POMGNT2: variants seen among roughly 807,000 people sequenced by gnomAD.
The protein encoded by POMGNT2 is protein O-linked-mannose beta-1,4-N-acetylglucosaminyltransferase 2.
Under a neutral mutation model 37.8 loss-of-function variants are expected in POMGNT2, and 32 were observed. The observed-to-expected ratio is 0.85, with a 90% CI of 0.64 to 1.14. The LOEUF is 1.14. POMGNT2 is among the 50% of genes most tolerant of loss of function. The pLI is 0.00. For synonymous variants in POMGNT2, 340 were observed against 336.8 expected (o/e 1.01, Z -0.10); for missense variants, 705 against 780.6 (o/e 0.90, Z 1.15).
At position 43,086,922 on chromosome 3, in the gene POMGNT2, T is replaced by C. The variant is rs577748226; in HGVS notation, c.-105-5386A>G. 1.3e-4 allele frequency among the ~76,000 whole-genome samples: 20 copies of C among 152,264 alleles called. No individual in the cohort carries two copies. In the South Asian group the frequency reaches 3.5e-3, roughly 27 times the overall value. On this transcript the variant is annotated intron_variant, in intron 1 of 1. Transcript: ENST00000344697. Reference sequence around the variant, plus strand: ...AAGGCTCTTTGCACAGACAATTAGATAAGAATCTTGAAATGAGATCATACT... The same window carrying C: ...AAGGCTCTTTGCACAGACAATTAGACAAGAATCTTGAAATGAGATCATACT...
At chr3:43,101,965 G>A (rs1015678589) in intron 1 of POMGNT2, among the ~76,000 whole-genome samples, 1 of 152,106 alleles carries the variant, frequency 6.6e-6, no homozygotes, top group African/African-American at 2.4e-5. Context: ...AATGGACTAA[G>A]GATGGAGTCT....
chr3:43,101,836 G>A (rs1033265259), intron 1 of POMGNT2, among the ~76,000 whole-genome samples: 25 of 152,078 alleles, frequency 1.6e-4, no homozygotes, highest in African/African-American at 5.6e-4. Context: ...TGAGAAGTCC[G>A]CCAGACTCTA....
chr3:43,081,596 G>C, intron 1 of POMGNT2, 60 bp from the exon 2 acceptor site: 1 of 656,756 alleles, frequency 1.5e-6, no homozygotes, highest in Non-Finnish European at 2.5e-6. Context: ...ATCATTACAA[G>C]CTCCTGCTAT....
intron 1 of POMGNT2, among the ~76,000 whole-genome samples, chr3:43,105,249 TTCC>T (rs2090049254): frequency 6.6e-6 from 1 of 152,026 alleles, no homozygotes; most frequent in African/African-American, 2.4e-5. Context: ...GTTCACTGGG[TTCC>T]TTCTTCAGAG....
chr3:43,098,054 C>T lies in POMGNT2; in HGVS notation c.-106+7782G>A, dbSNP rs1396154885. ...ACAGCCAGCACCTGCCAGACCCAGG[C>T]TGCAGAAGATCAGGCAGGGCCCAGG... is the stretch of plus-strand genomic sequence containing the variant. On this transcript the variant is annotated intron_variant, in intron 1 of 1. Transcript: ENST00000344697. The surrounding 1 kb of genome is among the most constrained non-coding windows in gnomAD (Gnocchi z 4.3). 6.6e-6 allele frequency among the ~76,000 whole-genome samples: 1 copy of T among 152,232 alleles called. No homozygotes were observed. Among genetic ancestry groups the T allele is most frequent in the African/African-American group, 2.4e-5 (1 of 41,458 alleles).
intron 1 of POMGNT2, among the ~76,000 whole-genome samples, chr3:43,083,190 C>CT (rs960729799): frequency 1.3e-4 from 19 of 151,694 alleles, no homozygotes; most frequent in African/African-American, 2.7e-4. Flanking sequence ...TACATTCTAG[C>CT]TTTTTTTTTC....
At chr3:43,093,464 C>T (rs555249702) in intron 1 of POMGNT2, among the ~76,000 whole-genome samples, 10 of 152,340 alleles carry the variant, frequency 6.6e-5, no homozygotes, top group Non-Finnish European at 1.5e-4. Flanking sequence ...CCTGCATGGA[C>T]CTGCACTGGG....
chr3:43,103,687 C>A (rs1339782391), intron 1 of POMGNT2, among the ~76,000 whole-genome samples: 1 of 152,168 alleles, frequency 6.6e-6, no homozygotes, highest in Non-Finnish European at 1.5e-5. Flanking sequence ...CAGGTCATAA[C>A]TGGGCTTCAA....
In POMGNT2 at chr3:43,080,109, C is replaced by T; in HGVS notation, c.1323G>A (p.Glu441=). Residue 441 remains glutamate (E), a synonymous_variant, in exon 2 of 2, where the codon GAG becomes GAA. Coordinates refer to ENST00000344697, the MANE Select transcript of POMGNT2 (RefSeq NM_032806.6). ...VPRHLCCRNP[E]WLFRIYQDTK... ...TGTCCTGGTAGATTCGGAAGAGCCA[C>T]TCGGGGTTCCGGCAACAGAGATGCC... 6.2e-7 allele frequency: 1 copy of T among 1,613,914 alleles called. No homozygotes were observed. The highest frequency in any genetic ancestry group is 8.5e-7 in the Non-Finnish European group (1 of 1,179,996).
intron 1 of POMGNT2, among the ~76,000 whole-genome samples, chr3:43,097,626 C>T (rs952586022): frequency 2.0e-5 from 3 of 151,998 alleles, no homozygotes; most frequent in Non-Finnish European, 4.4e-5. Flanking sequence ...CCCTTATGAC[C>T]TCATTTAAGC....
At chr3:43,082,651 C>T (rs766943858) in intron 1 of POMGNT2, among the ~76,000 whole-genome samples, 1 of 152,204 alleles carries the variant, frequency 6.6e-6, no homozygotes, top group Non-Finnish European at 1.5e-5. Context: ...ACAGGAGCAG[C>T]ACAGGTAACA....
At position 43,098,862 on chromosome 3, in the gene POMGNT2, T is replaced by TGCAACCCTCTCAC. The variant is rs2089997507; in HGVS notation, c.-106+6973_-106+6974insGTGAGAGGGTTGC. On this transcript the variant is annotated intron_variant, in intron 1 of 1. Transcript: ENST00000344697. This position sits in a 1 kb window ranked among gnomAD's most constrained non-coding sequence, Gnocchi z 4.3. ...GGACGTTCGGCCTTCCACCAGCTCA[T>TGCAACCCTCTCAC]ATGCAACCCTCTCACCGGTTTTCAG... is the stretch of plus-strand genomic sequence containing the variant. Among the ~76,000 whole-genome samples the TGCAACCCTCTCAC allele has an allele frequency of 3.9e-5, 6 of 151,962 alleles. No individual in the cohort carries two copies. The highest frequency in any genetic ancestry group is 8.8e-5 in the Non-Finnish European group (6 of 67,982).
Position 43,079,523 on chromosome 3 carries a change from G to C in POMGNT2, c.*166C>G, listed in dbSNP as rs940678695. On this transcript the variant is annotated 3_prime_UTR_variant, in exon 2 of 2. Coordinates refer to ENST00000344697, the MANE Select transcript of POMGNT2 (RefSeq NM_032806.6). ...GGGAAGTCAGGTCCCTTATCTCTAG[G>C]GCAAAGAGGAGTGCTGTGACACCAC... is the stretch of plus-strand genomic sequence containing the variant. The C allele has an allele frequency of 1.6e-6, 1 of 621,580 alleles. No homozygotes were observed. Among genetic ancestry groups the C allele is most frequent in the African/African-American group, 1.8e-5 (1 of 54,120 alleles). 38.5% of individuals were successfully genotyped at this position (621,580 alleles called of 1,614,324 possible).
At chr3:43,095,060 C>A (rs1006054402) in intron 1 of POMGNT2, among the ~76,000 whole-genome samples, 8 of 152,162 alleles carry the variant, frequency 5.3e-5, no homozygotes, top group African/African-American at 1.9e-4. Context: ...TCCTTCCTTG[C>A]CCCTGCTCAG....
At chr3:43,094,470 T>A (rs762561939) in intron 1 of POMGNT2, among the ~76,000 whole-genome samples, 21 of 152,224 alleles carry the variant, frequency 1.4e-4, no homozygotes, top group African/African-American at 5.1e-4. Flanking sequence ...CCAGTCTCAC[T>A]GACAACAGAA....
At chr3:43,105,102 T>C (rs2090047943) in intron 1 of POMGNT2, among the ~76,000 whole-genome samples, 1 of 152,178 alleles carries the variant, frequency 6.6e-6, no homozygotes, top group South Asian at 2.1e-4. Flanking sequence ...CTCTAAGTGT[T>C]GGCTGGCAAT....
At chr3:43,091,268 T>TA (rs35779506) in intron 1 of POMGNT2, among the ~76,000 whole-genome samples, 63,952 of 149,838 alleles carry the variant, frequency 0.43, 14,328 homozygotes, top group East Asian at 0.62. Context: ...GTAAAAGTAT[T>TA]AAAAAAAAAA....
chr3:43,086,973 T>C (rs1341437123), intron 1 of POMGNT2, among the ~76,000 whole-genome samples: 1 of 152,114 alleles, frequency 6.6e-6, no homozygotes, highest in Non-Finnish European at 1.5e-5. Context: ...ATAAATCCAA[T>C]GTGACTACCC....
Position 43,081,017 on chromosome 3 carries a change from C to G in POMGNT2, c.415G>C (p.Ala139Pro), listed in dbSNP as rs2125700805. Reference protein sequence around the residue: ...YFNFVELPAAALRFMPKPVFV... With the variant: ...YFNFVELPAAPLRFMPKPVFV... Reference sequence around the variant, plus strand: ...ACCGGCTTGGGCATGAAGCGCAGGGCAGCAGCAGGCAGCTCCACGAAGTTG... The same window carrying G: ...ACCGGCTTGGGCATGAAGCGCAGGGGAGCAGCAGGCAGCTCCACGAAGTTG... The change falls in exon 2 of 2, where the codon GCC becomes CCC. Residue 139 changes from alanine to proline, a missense_variant. By Grantham distance (27) the Ala-to-Pro change is conservative (BLOSUM62 -1). Coordinates refer to ENST00000344697, the MANE Select transcript of POMGNT2 (RefSeq NM_032806.6). The G allele has an allele frequency of 2.5e-6, 4 of 1,614,220 alleles. No individual in the cohort carries two copies. Among genetic ancestry groups the G allele is most frequent in the Non-Finnish European group, 3.4e-6 (4 of 1,180,042 alleles).
Sources: allele counts gnomAD v4.1 joint callset (sites outside exome capture counted in the v4.1 genomes callset), GRCh38; gene constraint gnomAD v4.1.1; non-coding constraint Gnocchi (gnomAD v3.1); transcripts MANE v1.5; gene names NCBI Gene and HGNC (gene_info 2026-07-23, HGNC 2026-07-21).